The following EYS variants were observed in gnomAD, a reference collection of about 807,000 sequenced individuals.
The protein encoded by EYS is protein eyes shut homolog.
In EYS, 250 loss-of-function variants were observed where a neutral mutation model predicts 282.1. That is an observed-to-expected ratio of 0.89 (90% CI 0.80 to 0.98). The LOEUF (loss-of-function observed/expected upper bound fraction) is 0.98. EYS is among the 50% of genes least tolerant of loss of function. EYS has a pLI of 0.00. For missense variants in EYS, 4,016 were observed against 3,709.0 expected, an observed-to-expected ratio of 1.08 and a Z score of -2.15; for synonymous variants, 1,355 against 1,282.9, an observed-to-expected ratio of 1.06 and a Z score of -1.20.
At chr6:65,577,953 A>G (rs1764733481) in intron 2 of EYS, among the ~76,000 whole-genome samples, 1 of 151,850 alleles carries the variant, frequency 6.6e-6, no homozygotes, top group Non-Finnish European at 1.5e-5. Flanking sequence ...GGATGTTAAG[A>G]AAAGGGAACA....
intron 13 of EYS, among the ~76,000 whole-genome samples, chr6:65,044,133 T>C (rs1294214839): frequency 6.6e-6 from 1 of 151,794 alleles, no homozygotes; most frequent in Non-Finnish European, 1.5e-5. Flanking sequence ...ATTTCCCTCA[T>C]GCTTAGTGAT....
At chr6:65,627,058 C>T (rs1054642446) in intron 2 of EYS, among the ~76,000 whole-genome samples, 52 of 151,794 alleles carry the variant, frequency 3.4e-4, no homozygotes, top group African/African-American at 1.3e-3. Flanking sequence ...TCATCTCTTT[C>T]CTTTCCCAGT....
At chr6:65,145,468 A>G (rs986279036) in intron 12 of EYS, among the ~76,000 whole-genome samples, 3 of 151,942 alleles carry the variant, frequency 2.0e-5, no homozygotes, top group African/African-American at 7.2e-5. Flanking sequence ...ACAATGAAAG[A>G]TGCATTATTG....
intron 31 of EYS, among the ~76,000 whole-genome samples, chr6:64,112,507 T>C (rs1002191719): frequency 2.0e-5 from 3 of 151,768 alleles, no homozygotes; most frequent in African/African-American, 7.3e-5. Flanking sequence ...CAATGTGAAA[T>C]TATTAAATCA....
At chr6:65,597,145 G>T (rs889551862) in intron 2 of EYS, among the ~76,000 whole-genome samples, 67 of 152,020 alleles carry the variant, frequency 4.4e-4, no homozygotes, top group African/African-American at 1.5e-3. Flanking sequence ...AATGATTCCT[G>T]CTCAAATAAG....
At chr6:64,166,894 A>G (rs1216803122) in intron 31 of EYS, among the ~76,000 whole-genome samples, 1 of 152,152 alleles carries the variant, frequency 6.6e-6, no homozygotes, top group Non-Finnish European at 1.5e-5. Context: ...TATTTCCTGG[A>G]CACAATAATG....
At chr6:65,041,780 C>A (rs1321844514) in intron 13 of EYS, among the ~76,000 whole-genome samples, 1 of 151,532 alleles carries the variant, frequency 6.6e-6, no homozygotes, top group Non-Finnish European at 1.5e-5. Context: ...TTGGCACAAG[C>A]AACAGTGATC....
chr6:65,395,197 A>C (rs1356043651), intron 7 of EYS, among the ~76,000 whole-genome samples: 1 of 151,992 alleles, frequency 6.6e-6, no homozygotes, highest in African/African-American at 2.4e-5. Flanking sequence ...CCAAGTAGCT[A>C]GGATTAAAGG....
At chr6:64,278,717 A>T (rs1243219893) in intron 30 of EYS, among the ~76,000 whole-genome samples, 5 of 142,052 alleles carry the variant, frequency 3.5e-5, no homozygotes, top group African/African-American at 1.0e-4. Context: ...TCAGCCAAAA[A>T]CTCTCTCTCT....
At chr6:65,447,998 G>A (rs1180212583) in intron 5 of EYS, among the ~76,000 whole-genome samples, 3 of 152,060 alleles carry the variant, frequency 2.0e-5, no homozygotes, top group African/African-American at 7.2e-5. Flanking sequence ...ATGTAAGCTA[G>A]CAGAAATACA....
intron 12 of EYS, among the ~76,000 whole-genome samples, chr6:65,229,542 C>T (rs1367111181): frequency 2.6e-5 from 4 of 151,448 alleles, no homozygotes; most frequent in South Asian, 2.1e-4. Context: ...TGGCAGAATC[C>T]GGAGCCCTTT....
At chr6:64,705,792 G>A (rs1346253602) in intron 22 of EYS, among the ~76,000 whole-genome samples, 3 of 137,154 alleles carry the variant, frequency 2.2e-5, no homozygotes, top group Non-Finnish European at 3.1e-5. Context: ...TCACATGGAC[G>A]CAGGAAGGGG....
intron 35 of EYS, among the ~76,000 whole-genome samples, chr6:63,951,677 A>T (rs1765601267): frequency 6.6e-6 from 1 of 152,102 alleles, no homozygotes; most frequent in Non-Finnish European, 1.5e-5. Flanking sequence ...GGTCTGGCTT[A>T]CAGTTTTGTT....
intron 36 of EYS, among the ~76,000 whole-genome samples, chr6:63,850,358 A>G (rs1772213728): frequency 6.6e-6 from 1 of 152,146 alleles, no homozygotes; most frequent in South Asian, 2.1e-4. Flanking sequence ...GAAGAGCAAC[A>G]CCAAGACATA....
chr6:65,646,338 G>T (rs550332319), intron 1 of EYS, among the ~76,000 whole-genome samples: 1 of 152,106 alleles, frequency 6.6e-6, no homozygotes, highest in South Asian at 2.1e-4. Flanking sequence ...TGATCAAGTG[G>T]GTTTATACCA....
intron 26 of EYS, among the ~76,000 whole-genome samples, chr6:64,494,104 T>C (rs541771332): frequency 1.1e-3 from 165 of 151,744 alleles, no homozygotes; most frequent in Middle Eastern, 3.4e-3. Context: ...AAGGATGATT[T>C]CCTGCATTAT....
At chr6:63,975,312 G>A (rs1036262220) in intron 35 of EYS, among the ~76,000 whole-genome samples, 2 of 151,864 alleles carry the variant, frequency 1.3e-5, no homozygotes, top group African/African-American at 4.8e-5. Context: ...TCATTACACT[G>A]CTTAACACAA....
chr6:64,600,329 C>G lies in EYS; in HGVS notation c.3685-7020G>C, dbSNP rs80233024. ...TATAAAAGATACATAGGATATTTCTCTATGTGGTTATCTAACTTGATTGGG... is the reference window on the plus strand; with the variant it reads ...TATAAAAGATACATAGGATATTTCTGTATGTGGTTATCTAACTTGATTGGG... On this transcript the variant is annotated intron_variant, in intron 24 of 42. Transcript: ENST00000503581. Among the ~76,000 whole-genome samples, 668 of 152,004 alleles carry G rather than the reference C, an allele frequency of 4.4e-3. 4 individuals carry two copies. Among genetic ancestry groups the G allele is most frequent in the African/African-American group, 0.015 (616 of 41,478 alleles).
At chr6:64,321,601 C>G (rs1770221965) in intron 29 of EYS, among the ~76,000 whole-genome samples, 1 of 151,668 alleles carries the variant, frequency 6.6e-6, no homozygotes, top group Non-Finnish European at 1.5e-5. Flanking sequence ...TATTAAATGC[C>G]TACTAAGTAT....
Sources: gnomAD v4.1 joint callset for allele counts (sites outside exome capture counted in the v4.1 genomes callset) on GRCh38, gnomAD v4.1.1 for gene constraint, MANE v1.5 for transcripts, NCBI Gene and HGNC (gene_info 2026-07-23, HGNC 2026-07-21) for gene names.